Variants in KHDRBS2 observed in about 807,000 individuals in gnomAD.
The protein encoded by KHDRBS2 is KH domain-containing, RNA-binding, signal transduction-associated protein 2.
Under a neutral mutation model 44.3 loss-of-function variants are expected in KHDRBS2, and 26 were observed. That is an observed-to-expected ratio of 0.59 (90% CI 0.43 to 0.81). The LOEUF (loss-of-function observed/expected upper bound fraction) is 0.81. KHDRBS2 is among the 40% of genes least tolerant of loss of function. The pLI is 0.00. For missense variants in KHDRBS2, 476 were observed against 433.1 expected, an observed-to-expected ratio of 1.10 and a Z score of -0.88; for synonymous variants, 194 against 151.1, an observed-to-expected ratio of 1.28 and a Z score of -2.08.
At chr6:62,177,000 T>C (rs1253834895) in intron 2 of KHDRBS2, among the ~76,000 whole-genome samples, 185 bp downstream of exon 2, 2 of 151,378 alleles carry the variant, frequency 1.3e-5, no homozygotes, top group African/African-American at 4.8e-5. Context: ...TAGCCTTCAG[T>C]TGAAAATTAC....
chr6:61,908,233 T>A (rs1299229233), intron 4 of KHDRBS2, among the ~76,000 whole-genome samples: 1 of 152,106 alleles, frequency 6.6e-6, no homozygotes, highest in African/African-American at 2.4e-5. Context: ...AATATTTACC[T>A]AAGTATGTGA....
At chr6:62,256,281 G>T (rs1837383281) in intron 1 of KHDRBS2, among the ~76,000 whole-genome samples, 1 of 152,022 alleles carries the variant, frequency 6.6e-6, no homozygotes. Context: ...TAAACTGTTA[G>T]CATTTTTCCC....
chr6:61,613,223 G>T, the KHDRBS2 span, among the ~76,000 whole-genome samples: 3 of 152,250 alleles, frequency 2.0e-5, no homozygotes, highest in Middle Eastern at 0.01. Context: ...CAAGGGTCAG[G>T]AGACCAAGAA....
chr6:61,761,555 T>C (rs1464719147), intron 6 of KHDRBS2, among the ~76,000 whole-genome samples: 4 of 152,200 alleles, frequency 2.6e-5, no homozygotes, highest in Admixed American at 2.6e-4. Flanking sequence ...TACTATTTTT[T>C]CTGAGGACCA....
At chr6:62,070,991 T>C (rs1323009660) in intron 2 of KHDRBS2, among the ~76,000 whole-genome samples, 2 of 152,132 alleles carry the variant, frequency 1.3e-5, no homozygotes, top group African/African-American at 4.8e-5. Flanking sequence ...CCACATCCTC[T>C]CCAGCACCTG....
intron 4 of KHDRBS2, among the ~76,000 whole-genome samples, chr6:61,904,665 C>T (rs983750322): frequency 3.9e-5 from 6 of 152,178 alleles, no homozygotes; most frequent in Non-Finnish European, 5.9e-5. Flanking sequence ...TCTAACTATG[C>T]CTCTGGGGAT....
chr6:61,696,859 G>A (rs370295593), intron 8 of KHDRBS2, among the ~76,000 whole-genome samples: 1 of 152,036 alleles, frequency 6.6e-6, no homozygotes, highest in Admixed American at 6.6e-5. Flanking sequence ...TTACTCTGAT[G>A]ATCTTTTGAC....
At chr6:62,189,145 G>T (rs1824070865) in intron 1 of KHDRBS2, among the ~76,000 whole-genome samples, 1 of 151,502 alleles carries the variant, frequency 6.6e-6, no homozygotes, top group Non-Finnish European at 1.5e-5. Context: ...AAAAAAAGAA[G>T]AAGAAAGAAA....
chr6:61,837,164 A>G (rs1459332355), intron 6 of KHDRBS2, among the ~76,000 whole-genome samples: 2 of 152,034 alleles, frequency 1.3e-5, no homozygotes, highest in East Asian at 3.9e-4. Flanking sequence ...GCAGGAAGAA[A>G]ATATAATTCA....
intron 1 of KHDRBS2, among the ~76,000 whole-genome samples, chr6:62,265,407 AGTGT>A (rs1347024250): frequency 2.0e-5 from 3 of 151,770 alleles, no homozygotes; most frequent in Non-Finnish European, 4.4e-5. Context: ...CAGTGAGAGG[AGTGT>A]GTGTATGTCT....
At chr6:61,544,490 T>C in the KHDRBS2 span, among the ~76,000 whole-genome samples, 1 of 152,030 alleles carries the variant, frequency 6.6e-6, no homozygotes, top group Non-Finnish European at 1.5e-5. Flanking sequence ...AGCAAATAAA[T>C]AATAAAGGGC....
chr6:61,895,991 G>T (rs1004022513), intron 5 of KHDRBS2, among the ~76,000 whole-genome samples: 1 of 152,042 alleles, frequency 6.6e-6, no homozygotes, highest in Non-Finnish European at 1.5e-5. Flanking sequence ...AATGATGAGA[G>T]AATTTATTGT....
At chr6:62,045,134 G>A (rs1787393685) in intron 3 of KHDRBS2, among the ~76,000 whole-genome samples, 1 of 152,030 alleles carries the variant, frequency 6.6e-6, no homozygotes, top group African/African-American at 2.4e-5. Flanking sequence ...GGAACAAGAG[G>A]ATCCAGTCAC....
intron 3 of KHDRBS2, among the ~76,000 whole-genome samples, chr6:62,046,037 T>C (rs1046396595): frequency 1.3e-5 from 2 of 151,482 alleles, no homozygotes; most frequent in African/African-American, 4.8e-5. Flanking sequence ...TATTATTATT[T>C]AATATGTTAT....
At chr6:62,068,958 T>A (rs1212082843) in intron 2 of KHDRBS2, among the ~76,000 whole-genome samples, 1 of 151,708 alleles carries the variant, frequency 6.6e-6, no homozygotes, top group Non-Finnish European at 1.5e-5. Context: ...TTCATTTTCA[T>A]GATTGTTTTG....
At chr6:62,219,013 G>T (rs9346260) in intron 1 of KHDRBS2, among the ~76,000 whole-genome samples, 1 of 151,348 alleles carries the variant, frequency 6.6e-6, no homozygotes. Flanking sequence ...AGCACAGGGG[G>T]GAAGAAGTGG....
At chr6:61,984,427 GTTATT>G (rs948272208) in intron 3 of KHDRBS2, among the ~76,000 whole-genome samples, 1 of 152,014 alleles carries the variant, frequency 6.6e-6, no homozygotes, top group Admixed American at 6.5e-5. Context: ...TCACACAAAT[GTTATT>G]TTAAAGTGAA....
intron 6 of KHDRBS2, 77 bp downstream of exon 6, chr6:61,894,558 T>C: frequency 8.6e-7 from 1 of 1,166,508 alleles, no homozygotes; most frequent in Non-Finnish European, 1.2e-6. Context: ...ATTCACGGTA[T>C]ATGAACAGTT....
At chr6:61,550,382 A>G in the KHDRBS2 span, among the ~76,000 whole-genome samples, 3 of 152,222 alleles carry the variant, frequency 2.0e-5, no homozygotes, top group Admixed American at 6.5e-5. Context: ...CTCATTTTTT[A>G]TGCTGCATAG....
Sources: gnomAD v4.1 joint callset for allele counts (sites outside exome capture counted in the v4.1 genomes callset) on GRCh38, gnomAD v4.1.1 for gene constraint, MANE v1.5 for transcripts, NCBI Gene and HGNC (gene_info 2026-07-23, HGNC 2026-07-21) for gene names.